Variants in PRIM2 observed in about 807,000 individuals in gnomAD.
PRIM2 encodes the protein DNA primase large subunit.
In PRIM2, 39 loss-of-function variants were observed where a neutral mutation model predicts 67.3. The ratio of observed to expected loss-of-function variants is 0.58; its 90% CI spans 0.45 to 0.76. The LOEUF (loss-of-function observed/expected upper bound fraction) is 0.76, where lower values mean the gene tolerates loss of function less well. Ranked by LOEUF, PRIM2 falls within the 30% of genes least tolerant of loss-of-function variation. PRIM2 has a pLI of 0.00. For missense variants in PRIM2, 398 were observed against 598.7 expected, an observed-to-expected ratio of 0.66 and a Z score of 3.50; for synonymous variants, 143 against 198.7, an observed-to-expected ratio of 0.72 and a Z score of 2.36.
At chr6:57,484,527 C>T (rs1243893832) in intron 7 of PRIM2, among the ~76,000 whole-genome samples, 2 of 152,192 alleles carry the variant, frequency 1.3e-5, no homozygotes, top group Non-Finnish European at 2.9e-5. Flanking sequence ...AAAGCATGCT[C>T]TGGTCCCTGT....
At chr6:57,334,839 GT>G (rs1409595879) in intron 5 of PRIM2, among the ~76,000 whole-genome samples, 1 of 152,154 alleles carries the variant, frequency 6.6e-6, no homozygotes. Context: ...AGATTGATAT[GT>G]TTTTACTGCA....
At chr6:57,503,920 T>C (rs1207825790) in intron 7 of PRIM2, among the ~76,000 whole-genome samples, 1 of 152,160 alleles carries the variant, frequency 6.6e-6, no homozygotes, top group Non-Finnish European at 1.5e-5. Context: ...AAATCCCAAA[T>C]GATGTGAAGA....
chr6:57,466,102 G>A (rs1431667779), intron 7 of PRIM2, among the ~76,000 whole-genome samples: 3 of 151,900 alleles, frequency 2.0e-5, no homozygotes, highest in African/African-American at 7.3e-5. Context: ...TTAGTTTGTT[G>A]AGGATGATGG....
At chr6:57,426,191 A>T (rs1162768182) in intron 7 of PRIM2, among the ~76,000 whole-genome samples, 111 of 152,308 alleles carry the variant, frequency 7.3e-4, no homozygotes, top group African/African-American at 2.6e-3. Flanking sequence ...AAATGAGATA[A>T]GGAACATTCC....
At chr6:57,590,274 T>A (rs1180571974) in intron 10 of PRIM2, among the ~76,000 whole-genome samples, 30 of 152,028 alleles carry the variant, frequency 2.0e-4, no homozygotes, top group Non-Finnish European at 3.5e-4. Flanking sequence ...TGTCCAAGAG[T>A]CTAATGGTGG....
intron 7 of PRIM2, among the ~76,000 whole-genome samples, chr6:57,386,342 T>C (rs1046265054): frequency 7.2e-6 from 1 of 138,062 alleles, no homozygotes; most frequent in African/African-American, 2.8e-5. Context: ...CACTTGAGCC[T>C]GGGAGATCAA....
At chr6:57,400,765 T>C (rs1770680175) in intron 7 of PRIM2, among the ~76,000 whole-genome samples, 1 of 152,240 alleles carries the variant, frequency 6.6e-6, no homozygotes, top group Non-Finnish European at 1.5e-5. Context: ...CTTGGAGGTT[T>C]TGTTCATTGC....
At chr6:57,322,032 C>A (rs930277114) in intron 3 of PRIM2, among the ~76,000 whole-genome samples, 2 of 151,970 alleles carry the variant, frequency 1.3e-5, no homozygotes, top group Admixed American at 6.6e-5. Flanking sequence ...GGGCAGAGAC[C>A]AGAACAATGA....
At chr6:57,374,395 G>A (rs1243764928) in intron 5 of PRIM2, among the ~76,000 whole-genome samples, 2 of 149,768 alleles carry the variant, frequency 1.3e-5, no homozygotes, top group Non-Finnish European at 3.0e-5. Context: ...CCGGGTTCAC[G>A]CCATTCTCCT....
intron 7 of PRIM2, among the ~76,000 whole-genome samples, chr6:57,467,360 C>T (rs1359278070): frequency 6.6e-6 from 1 of 151,830 alleles, no homozygotes; most frequent in East Asian, 1.9e-4. Flanking sequence ...CTAGTTTTTT[C>T]AACACTATTT....
chr6:57,607,087 G>A (rs1776577382), intron 12 of PRIM2, among the ~76,000 whole-genome samples: 1 of 152,100 alleles, frequency 6.6e-6, no homozygotes, highest in Non-Finnish European at 1.5e-5. Flanking sequence ...CAAGTTGACT[G>A]GAATTTTGAA....
chr6:57,639,197 A>C (rs1442481404), intron 13 of PRIM2, among the ~76,000 whole-genome samples: 1 of 152,188 alleles, frequency 6.6e-6, no homozygotes, highest in Non-Finnish European at 1.5e-5. Flanking sequence ...TAAGTTCTTG[A>C]AACCATTGAG....
chr6:57,308,852 GTTTAT>G, the PRIM2 span, among the ~76,000 whole-genome samples: 1,716 of 150,526 alleles, frequency 0.011, 36 homozygotes, highest in African/African-American at 0.04. Context: ...CTTTTCTACT[GTTTAT>G]TTTATTTTAT....
At chr6:57,312,413 G>A (rs545963116), upstream of PRIM2, among the ~76,000 whole-genome samples, 3 of 152,080 alleles carry the variant, frequency 2.0e-5, no homozygotes, top group East Asian at 1.9e-4. Context: ...CAGCTGGGAG[G>A]ATCGCTTGAG....
At chr6:57,358,869 T>A (rs1215436403) in intron 5 of PRIM2, among the ~76,000 whole-genome samples, 5 of 152,208 alleles carry the variant, frequency 3.3e-5, no homozygotes, top group Non-Finnish European at 7.3e-5. Context: ...CTCAAATTAT[T>A]TGATATTTTC....
At chr6:57,388,580 A>G (rs1244561238) in intron 7 of PRIM2, among the ~76,000 whole-genome samples, 2 of 152,170 alleles carry the variant, frequency 1.3e-5, no homozygotes, top group East Asian at 1.9e-4. Flanking sequence ...AGGTACCATT[A>G]TCACTCTCTG....
At chr6:57,505,911 T>C (rs1224771295) in intron 7 of PRIM2, among the ~76,000 whole-genome samples, 1 of 152,116 alleles carries the variant, frequency 6.6e-6, no homozygotes, top group Non-Finnish European at 1.5e-5. Context: ...TTGAAATGTC[T>C]AGATAAATCA....
At chr6:57,243,353 G>C in the PRIM2 span, among the ~76,000 whole-genome samples, 1 of 152,176 alleles carries the variant, frequency 6.6e-6, no homozygotes, top group Non-Finnish European at 1.5e-5. Context: ...GAGAAAGGGG[G>C]AAGAAAGATG....
intron 8 of PRIM2, among the ~76,000 whole-genome samples, chr6:57,512,598 T>G (rs1201307797): frequency 6.8e-6 from 1 of 147,014 alleles, no homozygotes; most frequent in Non-Finnish European, 1.5e-5. Context: ...TTTCTTTTTC[T>G]TTTCTTTTTT....
Sources: gnomAD v4.1 joint callset for allele counts (sites outside exome capture counted in the v4.1 genomes callset) on GRCh38, gnomAD v4.1.1 for gene constraint, MANE v1.5 for transcripts, NCBI Gene and HGNC (gene_info 2026-07-23, HGNC 2026-07-21) for gene names.